The following OPCML variants were observed in gnomAD, a reference collection of about 807,000 sequenced individuals.
OPCML encodes opioid-binding protein/cell adhesion molecule.
Under a neutral mutation model 37.8 loss-of-function variants are expected in OPCML, and 13 were observed. That is an observed-to-expected ratio of 0.34 (90% confidence interval 0.22 to 0.55). The LOEUF is 0.55. Ranked by LOEUF, OPCML falls within the 20% of genes least tolerant of loss-of-function variation. The probability of loss-of-function intolerance (pLI) is 0.91; values close to 1 mark genes in which losing one functional copy is unlikely to be tolerated. For missense variants in OPCML, 341 were observed against 435.6 expected (o/e 0.78, Z 1.93); for synonymous variants, 176 against 168.8 (o/e 1.04, Z -0.33).
At chr11:132,766,551 A>G (rs1946450317) in intron 2 of OPCML, among the ~76,000 whole-genome samples, 2 of 152,164 alleles carry the variant, frequency 1.3e-5, no homozygotes, top group South Asian at 4.1e-4. Flanking sequence ...AAGGGGCAGA[A>G]GTCTCTGTTG....
intron 3 of OPCML, among the ~76,000 whole-genome samples, chr11:132,599,474 G>A (rs565642072): frequency 3.6e-4 from 55 of 151,734 alleles, no homozygotes; most frequent in Non-Finnish European, 7.5e-4. Context: ...AGGAGGAGGA[G>A]AAGAGGAAAG....
intron 1 of OPCML, among the ~76,000 whole-genome samples, chr11:133,023,823 A>G (rs546412919): frequency 2.6e-5 from 4 of 152,258 alleles, no homozygotes; most frequent in African/African-American, 9.6e-5. Flanking sequence ...AGGCTGACTC[A>G]TAGTGATGGA....
chr11:132,752,033 A>G (rs138270684), intron 2 of OPCML, among the ~76,000 whole-genome samples: 91 of 152,290 alleles, frequency 6.0e-4, no homozygotes, highest in Non-Finnish European at 1.0e-3. Flanking sequence ...GGCATGCGAT[A>G]CTACAGAACA....
chr11:133,412,894 T>C (rs971387628), intron 1 of OPCML, among the ~76,000 whole-genome samples: 1 of 152,196 alleles, frequency 6.6e-6, no homozygotes, highest in Non-Finnish European at 1.5e-5. Context: ...AAAGACTGTT[T>C]TTCACAGAAA....
chr11:132,549,857 C>G (rs2096377501), intron 3 of OPCML, among the ~76,000 whole-genome samples: 1 of 152,202 alleles, frequency 6.6e-6, no homozygotes. Flanking sequence ...CAGAGCCCAC[C>G]TCCTCAAACC....
rs139361082 is a variant in OPCML at position 132,430,668 on chromosome 11, A to G, written c.916+5418T>C. ...TTCCTATGAGTTGTCCCTGCGCCCT[A>G]CACTTAACTCTTAATGTAACTGATT... On this transcript the variant is annotated intron_variant, in intron 7 of 7. Coordinates refer to ENST00000524381, the MANE Select transcript of OPCML (RefSeq NM_001012393.5). 1.8e-3 allele frequency among the ~76,000 whole-genome samples: 268 copies of G among 152,194 alleles called. 1 individual carries two copies. Among genetic ancestry groups the G allele is most frequent in the Non-Finnish European group, 1.9e-3 (127 of 68,004 alleles).
intron 1 of OPCML, among the ~76,000 whole-genome samples, chr11:133,097,300 C>T (rs992346054): frequency 2.0e-5 from 3 of 152,090 alleles, no homozygotes; most frequent in African/African-American, 4.8e-5. Flanking sequence ...CTAAATGACC[C>T]GTGGGTCAAA....
At chr11:132,682,437 T>C (rs984352750) in intron 2 of OPCML, among the ~76,000 whole-genome samples, 1 of 152,234 alleles carries the variant, frequency 6.6e-6, no homozygotes, top group African/African-American at 2.4e-5. Flanking sequence ...TCTTTGTTTT[T>C]AACTGTTAAG....
At chr11:132,508,064 C>T (rs1188399256) in intron 4 of OPCML, among the ~76,000 whole-genome samples, 1 of 151,946 alleles carries the variant, frequency 6.6e-6, no homozygotes, top group Non-Finnish European at 1.5e-5. Context: ...ATCATCATAC[C>T]TAATAGAAAA....
chr11:132,695,181 T>C (rs1943557411), intron 2 of OPCML, among the ~76,000 whole-genome samples: 1 of 150,894 alleles, frequency 6.6e-6, no homozygotes. Flanking sequence ...TTATGAAAAA[T>C]ACGGAGAGAG....
intron 7 of OPCML, among the ~76,000 whole-genome samples, chr11:132,421,939 T>G (rs1456449095): frequency 1.3e-5 from 2 of 152,174 alleles, no homozygotes; most frequent in Non-Finnish European, 2.9e-5. Flanking sequence ...GGTTTTTAAA[T>G]AAGTTTATTT....
intron 1 of OPCML, among the ~76,000 whole-genome samples, chr11:133,190,151 T>C (rs1315426451): frequency 2.0e-5 from 3 of 152,212 alleles, no homozygotes; most frequent in Non-Finnish European, 2.9e-5. Context: ...AGTCCAAACA[T>C]GCTGTGACCA....
intron 2 of OPCML, among the ~76,000 whole-genome samples, chr11:132,738,989 C>T (rs761947113): frequency 1.3e-5 from 2 of 152,050 alleles, no homozygotes; most frequent in Non-Finnish European, 2.9e-5. Context: ...GAAAAAAAAG[C>T]CTCCCACCCG....
intron 1 of OPCML, among the ~76,000 whole-genome samples, chr11:133,428,451 A>G (rs2136910904): frequency 6.6e-6 from 1 of 152,342 alleles, no homozygotes; most frequent in African/African-American, 2.4e-5. Flanking sequence ...CAAGGAATAA[A>G]CTGAAAATCT....
intron 1 of OPCML, among the ~76,000 whole-genome samples, chr11:132,969,999 T>G (rs1946304912): frequency 6.6e-6 from 1 of 152,186 alleles, no homozygotes; most frequent in Non-Finnish European, 1.5e-5. Context: ...CATAATTTTT[T>G]GTTGAAATCT....
intron 3 of OPCML, among the ~76,000 whole-genome samples, chr11:132,594,549 A>G (rs2096489548): frequency 6.6e-6 from 1 of 152,214 alleles, no homozygotes; most frequent in African/African-American, 2.4e-5. Context: ...TTATATCTAT[A>G]AATTTCTAAT....
chr11:133,355,561 A>G (rs1449594661), intron 1 of OPCML, among the ~76,000 whole-genome samples: 2 of 152,206 alleles, frequency 1.3e-5, no homozygotes, highest in Non-Finnish European at 2.9e-5. Flanking sequence ...CTGGGGAAGT[A>G]TTCAGCCTAA....
chr11:132,531,411 C>G (rs888651670), intron 3 of OPCML, among the ~76,000 whole-genome samples: 1 of 152,176 alleles, frequency 6.6e-6, no homozygotes, highest in East Asian at 1.9e-4. Flanking sequence ...AGGTACAGTG[C>G]AAGTCAATTC....
chr11:132,773,718 A>G (rs953805489), intron 2 of OPCML, among the ~76,000 whole-genome samples: 2 of 152,064 alleles, frequency 1.3e-5, no homozygotes, highest in Non-Finnish European at 2.9e-5. Context: ...TCTCATTCTT[A>G]TATGTCATGT....
Sources: gnomAD v4.1 joint callset for allele counts (sites outside exome capture counted in the v4.1 genomes callset) on GRCh38, gnomAD v4.1.1 for gene constraint, MANE v1.5 for transcripts, NCBI Gene and HGNC (gene_info 2026-07-23, HGNC 2026-07-21) for gene names.